The following VTI1A variants were observed in gnomAD, a reference collection of about 807,000 sequenced individuals.
The protein encoded by VTI1A is vesicle transport through interaction with t-SNAREs 1A, also known as vesicle transport through interaction with t-SNAREs homolog 1A.
VTI1A carries 22 observed loss-of-function variants against 34.9 expected under a neutral mutation model. That is an observed-to-expected ratio of 0.63 (90% CI 0.45 to 0.90). The LOEUF (loss-of-function observed/expected upper bound fraction) is 0.90. VTI1A is among the 40% of genes least tolerant of loss of function. The pLI is 0.00. For synonymous variants in VTI1A, 87 were observed against 97.3 expected, an observed-to-expected ratio of 0.89 and a Z score of 0.62; for missense variants, 268 against 275.6, an observed-to-expected ratio of 0.97 and a Z score of 0.20.
intron 1 of VTI1A, chr10:112,449,113 T>C (rs1270851868): frequency 6.6e-6 from 1 of 152,234 alleles, no homozygotes; most frequent in Non-Finnish European, 1.5e-5. Context: ...CCTCGCCTCT[T>C]CTCTTCAGTT....
intron 5 of VTI1A, among the ~76,000 whole-genome samples, chr10:112,621,487 A>C (rs1320220493): frequency 3.9e-5 from 6 of 152,166 alleles, no homozygotes; most frequent in Admixed American, 2.6e-4. Flanking sequence ...CTTATCAGGT[A>C]CACATTATTG....
chr10:112,620,408 A>C (rs1231110510), intron 5 of VTI1A, among the ~76,000 whole-genome samples: 1 of 152,226 alleles, frequency 6.6e-6, no homozygotes, highest in East Asian at 1.9e-4. Flanking sequence ...ACAGAGGTGG[A>C]AACTACTTAT....
chr10:112,590,535 C>G (rs1475199540), intron 5 of VTI1A, among the ~76,000 whole-genome samples: 1 of 151,442 alleles, frequency 6.6e-6, no homozygotes, highest in East Asian at 1.9e-4. Flanking sequence ...TTAAAATTTT[C>G]CAGACATGGT....
chr10:112,752,470 C>T (rs1851137145), intron 7 of VTI1A: 1 of 985,354 alleles, frequency 1.0e-6, no homozygotes, highest in African/African-American at 1.7e-5. Context: ...ATTTCACCCA[C>T]TGCATTTCTG....
At chr10:112,806,949 C>T (rs950965659) in intron 7 of VTI1A, among the ~76,000 whole-genome samples, 1 of 152,204 alleles carries the variant, frequency 6.6e-6, no homozygotes, top group Non-Finnish European at 1.5e-5. Context: ...TGTTGTGGCA[C>T]ATGCCCCCTC....
chr10:112,588,816 G>A (rs889407666), intron 5 of VTI1A, among the ~76,000 whole-genome samples: 1 of 152,058 alleles, frequency 6.6e-6, no homozygotes, highest in African/African-American at 2.4e-5. Context: ...TTCCATGCAC[G>A]TCATCACTGT....
intron 5 of VTI1A, among the ~76,000 whole-genome samples, chr10:112,594,204 G>T (rs1270968075): frequency 6.6e-6 from 1 of 152,102 alleles, no homozygotes; most frequent in Non-Finnish European, 1.5e-5. Flanking sequence ...ACTGCGCCCG[G>T]CCGGTCTCCA....
intron 7 of VTI1A, among the ~76,000 whole-genome samples, chr10:112,678,968 T>C (rs1020918678): frequency 2.5e-5 from 3 of 118,956 alleles, no homozygotes; most frequent in African/African-American, 4.5e-5. Context: ...ATGTGGCTTG[T>C]TTTCATTTTT....
chr10:112,723,214 T>C (rs1849873489), intron 7 of VTI1A, among the ~76,000 whole-genome samples: 1 of 152,176 alleles, frequency 6.6e-6, no homozygotes. Context: ...ATTATTGTTT[T>C]GTTGTTGGTA....
intron 5 of VTI1A, among the ~76,000 whole-genome samples, chr10:112,639,045 C>T (rs982449994): frequency 3.3e-5 from 5 of 152,092 alleles, no homozygotes; most frequent in African/African-American, 1.2e-4. Context: ...AAGCCTGTAT[C>T]AAGAAATCCT....
At chr10:112,819,578 G>T (rs778881971), downstream of VTI1A, among the ~76,000 whole-genome samples, 4 of 152,104 alleles carry the variant, frequency 2.6e-5, no homozygotes, top group Non-Finnish European at 5.9e-5. Flanking sequence ...CCGTCAACTG[G>T]AGCTCATTAC....
At chr10:112,726,547 A>G (rs577293063) in intron 7 of VTI1A, among the ~76,000 whole-genome samples, 85 of 152,290 alleles carry the variant, frequency 5.6e-4, no homozygotes, top group South Asian at 1.2e-3. Context: ...GTTTCCTAGG[A>G]AGCATGGGCA....
the VTI1A span, among the ~76,000 whole-genome samples, chr10:112,830,849 A>ATATATATATATATATATATTTTTTTTTTT: frequency 1.2e-4 from 4 of 33,498 alleles, no homozygotes; most frequent in African/African-American, 4.3e-4. Flanking sequence ...ATATATATAT[A>ATATATATATATATATATATTTTTTTTTTT]TTTTTTTTTT....
chr10:112,574,608 A>G (rs1464414132), intron 5 of VTI1A, among the ~76,000 whole-genome samples: 2 of 152,208 alleles, frequency 1.3e-5, no homozygotes, highest in African/African-American at 2.4e-5. Flanking sequence ...CTTATCTACA[A>G]TAGTAGCTTA....
chr10:112,839,589 A>T, the VTI1A span, among the ~76,000 whole-genome samples: 1 of 152,110 alleles, frequency 6.6e-6, no homozygotes, highest in Non-Finnish European at 1.5e-5. Flanking sequence ...CAGAGAGACA[A>T]GGGTGGGCTC....
At chr10:112,704,138 A>G (rs934953118) in intron 7 of VTI1A, among the ~76,000 whole-genome samples, 4 of 152,212 alleles carry the variant, frequency 2.6e-5, no homozygotes, top group African/African-American at 7.2e-5. Context: ...TGTGCCATGT[A>G]CTTGAGGTTA....
chr10:112,718,423 C>G (rs926188169), intron 7 of VTI1A, among the ~76,000 whole-genome samples: 2 of 152,232 alleles, frequency 1.3e-5, no homozygotes, highest in Admixed American at 6.5e-5. Context: ...AAGAAATCTT[C>G]TGATTTAAAC....
chr10:112,674,618 C>A (rs1352764328), intron 7 of VTI1A, among the ~76,000 whole-genome samples: 1 of 152,164 alleles, frequency 6.6e-6, no homozygotes, highest in Non-Finnish European at 1.5e-5. Flanking sequence ...CAGCTGCATT[C>A]TTTGAGCCTT....
intron 5 of VTI1A, among the ~76,000 whole-genome samples, chr10:112,662,552 A>T (rs1168525627): frequency 5.3e-5 from 8 of 152,150 alleles, no homozygotes; most frequent in African/African-American, 1.7e-4. Context: ...TTCACCGATT[A>T]TGTTTACCTT....
Sources: gnomAD v4.1 joint callset for allele counts (sites outside exome capture counted in the v4.1 genomes callset) on GRCh38, gnomAD v4.1.1 for gene constraint, MANE v1.5 for transcripts, NCBI Gene and HGNC (gene_info 2026-07-23, HGNC 2026-07-21) for gene names.